The following NUMA1 variants were observed in gnomAD, a reference collection of about 807,000 sequenced individuals.
The protein encoded by NUMA1 is nuclear mitotic apparatus protein 1, also known as SP-H antigen.
In NUMA1, 62 loss-of-function variants were observed where a neutral mutation model predicts 237.1. The observed-to-expected ratio is 0.26, with a 90% CI of 0.21 to 0.32. The LOEUF (loss-of-function observed/expected upper bound fraction) is 0.32. NUMA1 is among the 10% of genes least tolerant of loss of function. The pLI, the probability that NUMA1 is intolerant of heterozygous loss-of-function variation, is 1.00. For missense variants in NUMA1, 2,533 were observed against 2,666.5 expected (o/e 0.95, Z 1.10); for synonymous variants, 1,028 against 1,066.1 (o/e 0.96, Z 0.70).
In NUMA1 at chr11:72,013,143, GC is replaced by G; in HGVS notation, c.4359del (p.Leu1454TrpfsTer54). 6.2e-7 allele frequency: 1 copy of G among 1,614,058 alleles called. No homozygotes were observed. On this transcript the variant is annotated frameshift_variant, in exon 15 of 27. Transcript: ENST00000393695. LOFTEE classifies it high-confidence loss of function. This position sits in a 1 kb window ranked among gnomAD's most constrained non-coding sequence, Gnocchi z 6.8. ...AHGLLAEENR[G>X]LGERANLGRQ... ...CGGCCAAGGTTGGCCCGCTCACCCAGCCCCCGGTTCTCCTCTGCCAGCAGGC... is the reference window on the plus strand; with the variant it reads ...CGGCCAAGGTTGGCCCGCTCACCCAGCCCCGGTTCTCCTCTGCCAGCAGGC...
At chr11:72,021,077 T>A (rs529736573) in intron 8 of NUMA1, 127 bp downstream of exon 8, 1 of 747,600 alleles carries the variant, frequency 1.3e-6, no homozygotes, top group East Asian at 2.7e-5. Flanking sequence ...TACACACACT[T>A]TTCCTGAGCA....
At chr11:72,050,339 CT>C (rs1478986485) in intron 2 of NUMA1, among the ~76,000 whole-genome samples, 1 of 152,156 alleles carries the variant, frequency 6.6e-6, no homozygotes, top group Non-Finnish European at 1.5e-5. Flanking sequence ...TCCACTTTTC[CT>C]TTTTCCACAC....
chr11:72,016,680 G>A, intron 13 of NUMA1, 150 bp from the exon 14 acceptor site: 1 of 940,952 alleles, frequency 1.1e-6, no homozygotes, highest in Non-Finnish European at 1.6e-6. Flanking sequence ...AGAAACCATG[G>A]AACTGGGAGC....
rs151297751 is a variant in NUMA1 at position 72,012,419 on chromosome 11, C to T, written c.4632G>A (p.Gln1544=). 1.5e-5 allele frequency: 25 copies of T among 1,613,074 alleles called. No homozygotes were observed. Among genetic ancestry groups the T allele is most frequent in the Middle Eastern group, 1.7e-4 (1 of 5,992 alleles). ...TAQVEQLEVF[Q]REQTKQVEEL... is the part of the protein sequence containing the mutation. ...GCATTACCTGCTTAGTTTGCTCTCT[C>T]TGAAATACCTCTAGCTGCTCCACCT... Residue 1544 remains glutamine (Q), a synonymous_variant, in exon 16 of 27, where the codon CAG becomes CAA. Transcript: ENST00000393695.
intron 2 of NUMA1, among the ~76,000 whole-genome samples, chr11:72,055,103 G>A (rs1942565900): frequency 6.6e-6 from 1 of 152,104 alleles, no homozygotes; most frequent in Non-Finnish European, 1.5e-5. Flanking sequence ...AAAAAAAAAT[G>A]AGACAGCAAA....
rs145148304 is a variant in NUMA1 at position 72,046,022 on chromosome 11, C to T, written c.-32-10047G>A. ...GCAGCTTCCGAGAGGCTGAACCTTC[C>T]CCTAGAACCCCTCTGCAAAGCTGCC... On this transcript the variant is annotated intron_variant, in intron 2 of 26. Coordinates refer to ENST00000393695, the MANE Select transcript of NUMA1 (RefSeq NM_006185.4). Among the ~76,000 whole-genome samples the T allele has an allele frequency of 1.9e-4, 29 of 152,320 alleles. No individual in the cohort carries two copies. The East Asian group carries it at 5.6e-3, about 29-fold the overall frequency.
Position 72,018,304 on chromosome 11 carries a change from C to T in NUMA1, c.861-4G>A, listed in dbSNP as rs374997585. 5.7e-5 allele frequency: 92 copies of T among 1,613,104 alleles called. No homozygotes were observed. The highest frequency in any genetic ancestry group is 6.7e-5 in the African/African-American group (5 of 74,872). On this transcript the variant is annotated splice_region_variant and splice_polypyrimidine_tract_variant and intron_variant, in intron 11 of 26. Transcript: ENST00000393695. ...TTCATGCAGCCGCATGGTAAGGCTGCGAGGGAGGGAAGCAGTGAGAAGAGA... is the reference window on the plus strand; with the variant it reads ...TTCATGCAGCCGCATGGTAAGGCTGTGAGGGAGGGAAGCAGTGAGAAGAGA...
Position 72,006,254 on chromosome 11 carries a change from C to T in NUMA1, c.5473G>A (p.Val1825Met), listed in dbSNP as rs7949430. The change falls in exon 22 of 27, where the codon GTG (valine) becomes ATG (methionine). Residue 1825 changes from valine to methionine, a missense_variant. Around this residue, in one of 3 missense-constraint regions of NUMA1, gnomAD observed 795 missense variants for 750.8 expected, o/e 1.06. Transcript: ENST00000393695. ...GAGTTGGCGCTGTCTGGCTCTTCCA[C>T]ATCTAGCTTCTGGAAGACAGAGTGA... ...INITMTKKLD[V>M]EEPDSANSSF... 7,026 of 1,613,910 alleles carry T rather than the reference C, an allele frequency of 4.4e-3. 304 individuals carry two copies. The African/African-American group carries it at 0.082, about 19-fold the overall frequency.
chr11:72,079,367 C>T (rs1481469100), intron 1 of NUMA1, among the ~76,000 whole-genome samples: 1 of 152,120 alleles, frequency 6.6e-6, no homozygotes, highest in Non-Finnish European at 1.5e-5. Context: ...ATGGTGAAAC[C>T]CTGTGTCTAC....
At position 72,014,516 on chromosome 11, in the gene NUMA1, T is replaced by A. The variant is rs1956372521; in HGVS notation, c.2987A>T (p.Gln996Leu). 6.2e-7 allele frequency: 1 copy of A among 1,601,928 alleles called. No individual in the cohort carries two copies. Among genetic ancestry groups the A allele is most frequent in the African/African-American group, 1.3e-5 (1 of 75,064 alleles). ...AALMESQGQQ[Q>L]EERGQQEREV... ...CCTTTCCTGCTGCCCACGCTCCTCC[T>A]GCTGCTGCCCCTGGCTCTCCATCAG... Residue 996 changes from glutamine to leucine, a missense_variant, in exon 15 of 27, where the codon CAG (glutamine) becomes CTG (leucine). Gln to Leu is a moderately radical substitution (Grantham distance 113). Around this residue, in one of 3 missense-constraint regions of NUMA1, gnomAD observed 1,414 missense variants for 1,508.1 expected, o/e 0.94. Coordinates refer to ENST00000393695, the MANE Select transcript of NUMA1 (RefSeq NM_006185.4). This position sits in a 1 kb window ranked among gnomAD's most constrained non-coding sequence, Gnocchi z 4.6.
At chr11:72,078,079 T>TAAG (rs1344288520) in intron 1 of NUMA1, among the ~76,000 whole-genome samples, 1 of 152,186 alleles carries the variant, frequency 6.6e-6, no homozygotes, top group African/African-American at 2.4e-5. Context: ...CCAGGCTAGC[T>TAAG]AAGAACTCCT....
intron 3 of NUMA1, among the ~76,000 whole-genome samples, chr11:72,035,651 T>TC (rs1375506113): frequency 6.6e-6 from 1 of 152,088 alleles, no homozygotes; most frequent in Non-Finnish European, 1.5e-5. Context: ...CCTCAGGTGA[T>TC]CCACCTGCCT....
intron 3 of NUMA1, among the ~76,000 whole-genome samples, chr11:72,031,794 A>G (rs988012992): frequency 6.6e-5 from 10 of 151,952 alleles, no homozygotes; most frequent in African/African-American, 2.2e-4. Flanking sequence ...AGCCTGGCCA[A>G]CGGATTGAGA....
intron 6 of NUMA1, among the ~76,000 whole-genome samples, 161 bp from the exon 7 acceptor site, chr11:72,022,580 CTT>C (rs10716998): frequency 0.025 from 3,450 of 139,054 alleles, 78 homozygotes; most frequent in African/African-American, 0.066. Context: ...CCAGGAAACA[CTT>C]TTTTTTTTTT....
At chr11:72,025,804 T>C (rs1282217072) in intron 4 of NUMA1, among the ~76,000 whole-genome samples, 1 of 152,220 alleles carries the variant, frequency 6.6e-6, no homozygotes, top group Non-Finnish European at 1.5e-5. Flanking sequence ...AGAAGCACTC[T>C]GTCTGGATAG....
At position 72,013,190 on chromosome 11, in the gene NUMA1, C is replaced by A; in HGVS notation, c.4313G>T (p.Ser1438Ile). 1 of 1,612,544 alleles carries A rather than the reference C, an allele frequency of 6.2e-7. No homozygotes were observed. The stretch of plus-strand genomic sequence containing the variant: ...CAGGCCATGCGCCTTCTTCAGCATG[C>A]TCAGCTGCTCTGCATAGCTGGCCTT... ...AEKASYAEQL[S>I]MLKKAHGLLA... Residue 1438 changes from serine to isoleucine, a missense_variant, in exon 15 of 27, where the codon AGC (serine) becomes ATC (isoleucine). Physicochemically the swap from Ser to Ile is moderately radical, Grantham distance 142 (BLOSUM62 -2). Coordinates refer to ENST00000393695, the MANE Select transcript of NUMA1 (RefSeq NM_006185.4). This position sits in a 1 kb window ranked among gnomAD's most constrained non-coding sequence, Gnocchi z 6.8.
At chr11:72,016,864 C>G (rs961099193) in intron 13 of NUMA1, 1 of 228,070 alleles carries the variant, frequency 4.4e-6, no homozygotes, top group African/African-American at 2.3e-5. Flanking sequence ...GCCCACCATC[C>G]TCTGGGCAGC....
chr11:72,009,839 T>C (rs1956025910), intron 17 of NUMA1, among the ~76,000 whole-genome samples: 1 of 152,120 alleles, frequency 6.6e-6, no homozygotes, highest in Admixed American at 6.5e-5. Context: ...GGAAACTGAG[T>C]TCAGAGATTT....
At chr11:72,028,363 T>C (rs1197134311) in intron 4 of NUMA1, among the ~76,000 whole-genome samples, 1 of 150,292 alleles carries the variant, frequency 6.7e-6, no homozygotes, top group Non-Finnish European at 1.5e-5. Flanking sequence ...CTGATACCAG[T>C]TCCTAACTGC....
Sources: allele counts gnomAD v4.1 joint callset (sites outside exome capture counted in the v4.1 genomes callset), GRCh38; gene constraint gnomAD v4.1.1; regional missense constraint gnomAD v4.1.1; non-coding constraint Gnocchi (gnomAD v3.1); transcripts MANE v1.5; gene names NCBI Gene and HGNC (gene_info 2026-07-23, HGNC 2026-07-21).